Variants in TMEM117 observed in about 807,000 individuals in gnomAD.
The protein encoded by TMEM117 is transmembrane protein 117.
TMEM117 carries 27 observed loss-of-function variants against 52.4 expected under a neutral mutation model. That is an observed-to-expected ratio of 0.51 (90% confidence interval 0.38 to 0.71). The LOEUF (loss-of-function observed/expected upper bound fraction) is 0.71. TMEM117 is among the 30% of genes least tolerant of loss of function. The pLI, the probability that TMEM117 is intolerant of heterozygous loss-of-function variation, is 0.00. For missense variants in TMEM117, 556 were observed against 630.5 expected (o/e 0.88, Z 1.26); for synonymous variants, 215 against 206.3 (o/e 1.04, Z -0.36).
intron 2 of TMEM117, among the ~76,000 whole-genome samples, chr12:43,904,407 A>G (rs927984811): frequency 2.5e-4 from 38 of 152,264 alleles, no homozygotes; most frequent in African/African-American, 8.9e-4. Flanking sequence ...TCCTAATGAT[A>G]TTAGTGTTTT....
chr12:43,900,532 A>C (rs921593351), intron 2 of TMEM117, among the ~76,000 whole-genome samples: 1 of 152,014 alleles, frequency 6.6e-6, no homozygotes, highest in East Asian at 1.9e-4. Flanking sequence ...AGCCTGGCCA[A>C]TATGGTGAAA....
At chr12:44,143,686 G>A in intron 4 of TMEM117, 62 bp downstream of exon 4, 1 of 1,193,036 alleles carries the variant, frequency 8.4e-7, no homozygotes. Flanking sequence ...CACAGTGTTG[G>A]ACAGACACTG....
intron 6 of TMEM117, among the ~76,000 whole-genome samples, chr12:44,334,979 C>A (rs1951322160): frequency 6.6e-6 from 1 of 151,986 alleles, no homozygotes; most frequent in African/African-American, 2.4e-5. Context: ...GGCATTATAA[C>A]ATGAGGTATA....
intron 5 of TMEM117, among the ~76,000 whole-genome samples, chr12:44,276,908 A>ATGTGTGTGTGTGTG (rs754059220): frequency 7.0e-6 from 1 of 143,630 alleles, no homozygotes; most frequent in African/African-American, 2.5e-5. Context: ...GTGTGTGTGT[A>ATGTGTGTGTGTGTG]TGTGTGTGTG....
intron 2 of TMEM117, among the ~76,000 whole-genome samples, chr12:43,920,779 A>G (rs929661958): frequency 2.9e-4 from 44 of 152,058 alleles, no homozygotes; most frequent in African/African-American, 1.0e-3. Flanking sequence ...TAAAATGTGG[A>G]TTACTTCCTG....
intron 6 of TMEM117, among the ~76,000 whole-genome samples, chr12:44,323,933 C>T (rs1029608609): frequency 6.6e-6 from 1 of 152,034 alleles, no homozygotes; most frequent in Non-Finnish European, 1.5e-5. Flanking sequence ...CTGTCTTTTG[C>T]TGTGCTCTAG....
intron 5 of TMEM117, among the ~76,000 whole-genome samples, chr12:44,271,112 T>C (rs1592654740): frequency 6.6e-6 from 1 of 152,038 alleles, no homozygotes; most frequent in African/African-American, 2.4e-5. Flanking sequence ...TCATCAGGGA[T>C]ATTGGTCTGT....
At chr12:44,271,491 T>C (rs1476836507) in intron 5 of TMEM117, among the ~76,000 whole-genome samples, 1 of 151,800 alleles carries the variant, frequency 6.6e-6, no homozygotes, top group Non-Finnish European at 1.5e-5. Flanking sequence ...GCCAAGAAAA[T>C]ACAATAGGGA....
chr12:43,965,325 G>C (rs1945467092), intron 3 of TMEM117, among the ~76,000 whole-genome samples: 1 of 152,198 alleles, frequency 6.6e-6, no homozygotes, highest in African/African-American at 2.4e-5. Flanking sequence ...CATTTCTCCT[G>C]ATCTTGGTTG....
chr12:44,326,555 A>G (rs562887442), intron 6 of TMEM117, among the ~76,000 whole-genome samples: 53 of 152,336 alleles, frequency 3.5e-4, no homozygotes, highest in South Asian at 2.7e-3. Flanking sequence ...AGACTGTCAT[A>G]TGGAAAAGAG....
chr12:43,859,503 T>G (rs1943452788), intron 2 of TMEM117, among the ~76,000 whole-genome samples: 1 of 65,328 alleles, frequency 1.5e-5, no homozygotes. Flanking sequence ...ATAAACCTAT[T>G]GTGGGAAAAA....
chr12:44,115,141 C>G (rs1009806015), intron 3 of TMEM117, among the ~76,000 whole-genome samples: 6 of 152,198 alleles, frequency 3.9e-5, no homozygotes, highest in Non-Finnish European at 4.4e-5. Context: ...TTAAAATCCT[C>G]TACTCTATTG....
chr12:44,174,991 C>T (rs564380334), intron 4 of TMEM117, among the ~76,000 whole-genome samples: 2 of 152,254 alleles, frequency 1.3e-5, no homozygotes, highest in South Asian at 2.1e-4. Flanking sequence ...ATACCAGGAC[C>T]TTGAAATTGT....
chr12:44,383,785 A>C (rs1952052180), intron 7 of TMEM117, among the ~76,000 whole-genome samples: 4 of 152,102 alleles, frequency 2.6e-5, no homozygotes, highest in Admixed American at 2.0e-4. Flanking sequence ...AATCCTTTCT[A>C]TCTGGGTCAT....
chr12:44,353,176 A>C (rs1951591107), intron 6 of TMEM117, among the ~76,000 whole-genome samples: 1 of 151,766 alleles, frequency 6.6e-6, no homozygotes, highest in East Asian at 1.9e-4. Context: ...GTTTGAGTTC[A>C]TTGTAGATTC....
At chr12:44,271,906 T>C (rs536449507) in intron 5 of TMEM117, among the ~76,000 whole-genome samples, 1 of 151,998 alleles carries the variant, frequency 6.6e-6, no homozygotes, top group South Asian at 2.1e-4. Flanking sequence ...ACAAATAGAC[T>C]GATAAAGAAA....
In TMEM117 at chr12:44,080,228, C is replaced by T. The variant is rs144387412; in HGVS notation, c.411-63297C>T. On this transcript the variant is annotated intron_variant, in intron 3 of 7. Coordinates refer to ENST00000266534, the MANE Select transcript of TMEM117 (RefSeq NM_032256.3). ...ATAGAGGAAAGAGATTTAATTGACT[C>T]ACAGTTCAGCATGGCTGAGGAGGCC... Among the ~76,000 whole-genome samples, 394 of 152,192 alleles carry T rather than the reference C, an allele frequency of 2.6e-3. 1 individual carries two copies. Among genetic ancestry groups the T allele is most frequent in the African/African-American group, 8.8e-3 (367 of 41,522 alleles).
intron 6 of TMEM117, among the ~76,000 whole-genome samples, chr12:44,346,930 G>A (rs1951495503): frequency 6.6e-6 from 1 of 152,038 alleles, no homozygotes; most frequent in East Asian, 1.9e-4. Context: ...GATGCGCTAT[G>A]AGAAAAGCTA....
chr12:44,061,931 A>G (rs985141017), intron 3 of TMEM117, among the ~76,000 whole-genome samples: 2 of 152,144 alleles, frequency 1.3e-5, no homozygotes, highest in Admixed American at 6.5e-5. Context: ...GAGGCAGAGG[A>G]AAAAAGAGAA....
Sources: gnomAD v4.1 joint callset for allele counts (sites outside exome capture counted in the v4.1 genomes callset) on GRCh38, gnomAD v4.1.1 for gene constraint, MANE v1.5 for transcripts, NCBI Gene and HGNC (gene_info 2026-07-23, HGNC 2026-07-21) for gene names.